Variants in ODF2 observed in about 807,000 individuals in gnomAD.
The protein encoded by ODF2 is outer dense fiber of sperm tails 2, also known as outer dense fiber protein 2.
Under a neutral mutation model 110.2 loss-of-function variants are expected in ODF2, and 47 were observed. That is an observed-to-expected ratio of 0.43 (90% CI 0.34 to 0.54). The LOEUF (loss-of-function observed/expected upper bound fraction) is 0.54. ODF2 is among the 20% of genes least tolerant of loss of function. The pLI, the probability that ODF2 is intolerant of heterozygous loss-of-function variation, is 0.03. For missense variants in ODF2, 812 were observed against 1,054.5 expected (o/e 0.77, Z 3.19); for synonymous variants, 352 against 397.7 (o/e 0.89, Z 1.37).
chr9:128,491,106 G>A (rs957942619), intron 14 of ODF2, among the ~76,000 whole-genome samples: 4 of 151,580 alleles, frequency 2.6e-5, no homozygotes, highest in African/African-American at 7.3e-5. Flanking sequence ...GTGCAGTGGT[G>A]CAATCTCAGC....
chr9:128,487,342 G>T (rs1384439601), intron 13 of ODF2, among the ~76,000 whole-genome samples: 1 of 152,230 alleles, frequency 6.6e-6, no homozygotes, highest in Non-Finnish European at 1.5e-5. Context: ...ACGTCGTTCA[G>T]AGGTGGGACA....
chr9:128,483,360 G>A (rs1300219212), intron 10 of ODF2, among the ~76,000 whole-genome samples: 1 of 152,016 alleles, frequency 6.6e-6, no homozygotes, highest in East Asian at 1.9e-4. Context: ...ACTCATTGAG[G>A]CCAGGAGTTT....
intron 8 of ODF2, among the ~76,000 whole-genome samples, chr9:128,475,706 C>T (rs1255755968): frequency 1.3e-5 from 2 of 151,594 alleles, no homozygotes; most frequent in African/African-American, 2.4e-5. Flanking sequence ...AGTACAGTGG[C>T]GCGATCTCTG....
intron 4 of ODF2, among the ~76,000 whole-genome samples, chr9:128,467,134 T>C (rs1838410421): frequency 7.0e-6 from 1 of 142,118 alleles, no homozygotes; most frequent in Admixed American, 7.4e-5. Flanking sequence ...GCAAACATCA[T>C]GGAGTGTACT....
intron 3 of ODF2, 56 bp from the exon 4 acceptor site, chr9:128,460,886 G>A (rs1408962773): frequency 1.1e-5 from 18 of 1,611,808 alleles, no homozygotes; most frequent in Admixed American, 8.3e-5. Flanking sequence ...TGTCACTAGC[G>A]TGGCACCGTG....
At chr9:128,455,315 G>C (rs1446899401), upstream of ODF2, 1 of 1,222,066 alleles carries the variant, frequency 8.2e-7, no homozygotes, top group Non-Finnish European at 1.1e-6. Flanking sequence ...ACTTTGGAAG[G>C]CCGAGGCGGG....
At chr9:128,469,444 CT>C in intron 5 of ODF2, 91 bp downstream of exon 5, 7 of 1,371,166 alleles carry the variant, frequency 5.1e-6, no homozygotes, top group Non-Finnish European at 7.2e-6. Context: ...CAGCCTGCGT[CT>C]GCAGGCCTTC....
At chr9:128,466,432 A>G (rs1296993732) in intron 4 of ODF2, among the ~76,000 whole-genome samples, 1 of 149,244 alleles carries the variant, frequency 6.7e-6, no homozygotes, top group Non-Finnish European at 1.5e-5. Context: ...GTGCTACTGC[A>G]CTCCAGGCTG....
rs1845258855 is a variant in ODF2, at chr9:128,494,543, C to T, written c.1786C>T (p.Leu596=). The T allele has an allele frequency of 1.2e-6, 2 of 1,614,202 alleles. No individual in the cohort carries two copies. The highest frequency in any genetic ancestry group is 4.5e-5 in the East Asian group (2 of 44,878). The stretch of plus-strand genomic sequence containing the variant: ...GCAGTTCCAGTCTCAGCTGGCTGAC[C>T]TGCAGCAGCTCCCTGACATCCTGAA... Residue 596 remains leucine, a synonymous_variant, in exon 17 of 21, where the codon CTG becomes TTG. Coordinates refer to ENST00000604420, the Ensembl canonical transcript of ODF2. This position sits in a 1 kb window ranked among gnomAD's most constrained non-coding sequence, Gnocchi z 4.6.
At chr9:128,499,268 A>G in intron 20 of ODF2, 142 bp downstream of exon 20, 2 of 987,916 alleles carry the variant, frequency 2.0e-6, no homozygotes, top group Non-Finnish European at 2.9e-6. Flanking sequence ...TCTATCCCTT[A>G]AGGATATCCT....
intron 14 of ODF2, among the ~76,000 whole-genome samples, chr9:128,490,633 A>G (rs1844355921): frequency 1.3e-5 from 2 of 152,190 alleles, no homozygotes. Flanking sequence ...TAAAAATTCA[A>G]AACATTACAG....
chr9:128,468,591 T>G (rs1420909313), intron 4 of ODF2, among the ~76,000 whole-genome samples: 1 of 152,116 alleles, frequency 6.6e-6, no homozygotes, highest in African/African-American at 2.4e-5. Flanking sequence ...GGCGCAATCT[T>G]GGCTCACTGC....
intron 4 of ODF2, among the ~76,000 whole-genome samples, chr9:128,463,016 CT>C (rs1341707398): frequency 6.6e-6 from 1 of 152,140 alleles, no homozygotes; most frequent in Non-Finnish European, 1.5e-5. Flanking sequence ...AATCCCAACA[CT>C]TTTAGGAGGC....
At chr9:128,493,887 C>T (rs10819390) in intron 16 of ODF2, among the ~76,000 whole-genome samples, 43,407 of 152,030 alleles carry the variant, frequency 0.29, 7,256 homozygotes, top group African/African-American at 0.46. Flanking sequence ...CTCCACCTCC[C>T]GGGTTCAAGT....
intron 4 of ODF2, 167 bp from the exon 5 acceptor site, chr9:128,469,016 G>A (rs890875611): frequency 1.7e-6 from 1 of 580,150 alleles, no homozygotes; most frequent in Non-Finnish European, 3.0e-6. Context: ...ATTTAAACAT[G>A]GATAGGTAAT....
chr9:128,456,871 T>C (rs1346822706), intron 1 of ODF2: 5 of 1,284,218 alleles, frequency 3.9e-6, no homozygotes, highest in Non-Finnish European at 4.9e-6. Flanking sequence ...CGCGCCTCCC[T>C]CCTTTAAACA....
intron 8 of ODF2, among the ~76,000 whole-genome samples, chr9:128,476,118 G>A (rs1418110525): frequency 6.6e-6 from 1 of 152,016 alleles, no homozygotes; most frequent in Non-Finnish European, 1.5e-5. Context: ...TCATTCATCT[G>A]TTGATGGACA....
chr9:128,455,766 A>G (rs1464260785), upstream of ODF2, among the ~76,000 whole-genome samples: 2 of 152,020 alleles, frequency 1.3e-5, no homozygotes, highest in Non-Finnish European at 2.9e-5. Context: ...GGCAGTGTGC[A>G]GCTCCCAATA....
At chr9:128,456,869 C>A (rs1161602036) in intron 1 of ODF2, 4 of 1,302,788 alleles carry the variant, frequency 3.1e-6, no homozygotes, top group Non-Finnish European at 3.9e-6. Context: ...TCCGCGCCTC[C>A]CTCCTTTAAA....
Sources: allele counts gnomAD v4.1 joint callset (sites outside exome capture counted in the v4.1 genomes callset), GRCh38; gene constraint gnomAD v4.1.1; non-coding constraint Gnocchi (gnomAD v3.1); transcripts MANE v1.5; gene names NCBI Gene and HGNC (gene_info 2026-07-23, HGNC 2026-07-21).